Variants in WDR62 observed in about 807,000 individuals in gnomAD.
WDR62 encodes WD repeat-containing protein 62.
A neutral mutation model predicts 160.6 loss-of-function variants in WDR62; 112 were observed. The observed-to-expected ratio is 0.70, with a 90% CI of 0.60 to 0.82. WDR62 has a LOEUF of 0.82. WDR62 is among the 40% of genes least tolerant of loss of function. WDR62 has a pLI of 0.00. For missense variants in WDR62, 1,819 were observed against 1,983.8 expected (o/e 0.92, Z 1.58); for synonymous variants, 792 against 815.1 (o/e 0.97, Z 0.48).
rs546388369 is a variant in WDR62, at chr19:36,079,886, A to C, written c.1234-1547A>C. Reference sequence around the variant, plus strand: ...GTTGTCTGTAGGTTTGGGTTTTGCTATCTGGTTGATGTTTTTCTTATGTCG... The same window carrying C: ...GTTGTCTGTAGGTTTGGGTTTTGCTCTCTGGTTGATGTTTTTCTTATGTCG... On this transcript the variant is annotated intron_variant, in intron 9 of 31. Coordinates refer to ENST00000401500, the MANE Select transcript of WDR62 (RefSeq NM_001083961.2). Among the ~76,000 whole-genome samples the C allele has an allele frequency of 1.8e-4, 27 of 152,206 alleles. 1 individual carries two copies. In the South Asian group the frequency reaches 5.6e-3, roughly 32 times the overall value.
intron 4 of WDR62, 72 bp from the exon 5 acceptor site, chr19:36,066,185 C>G: frequency 6.2e-7 from 1 of 1,607,564 alleles, no homozygotes; most frequent in Non-Finnish European, 8.5e-7. Flanking sequence ...GCAATGCCAT[C>G]TTCGGCCTTG....
chr19:36,067,889 T>G lies in WDR62; in HGVS notation c.761T>G (p.Ile254Ser). The G allele has an allele frequency of 1.9e-6, 3 of 1,614,138 alleles. No individual in the cohort carries two copies. The highest frequency in any genetic ancestry group is 2.5e-6 in the Non-Finnish European group (3 of 1,180,008). Residue 254 changes from isoleucine (I) to serine (S), a missense_variant, in exon 7 of 32, where the codon ATC becomes AGC. This residue lies in a region of WDR62 where 934 missense variants were observed against 1,157.2 expected (regional missense o/e 0.81). Transcript: ENST00000401500. ...SGILGELHNN[I>S]FCGVACGRGR... Reference sequence around the variant, plus strand: ...ATCCTGGGCGAGCTGCACAACAACATCTTCTGTGGTGTGGCCTGCGGTCGG... The same window carrying G: ...ATCCTGGGCGAGCTGCACAACAACAGCTTCTGTGGTGTGGCCTGCGGTCGG...
At chr19:36,098,217 G>C (rs1053733160) in intron 21 of WDR62, among the ~76,000 whole-genome samples, 3 of 151,450 alleles carry the variant, frequency 2.0e-5, no homozygotes, top group African/African-American at 7.3e-5. Flanking sequence ...TGCAGTGATC[G>C]TGCTACTGCA....
At chr19:36,091,895 A>G (rs1972634948) in intron 18 of WDR62, among the ~76,000 whole-genome samples, 1 of 151,934 alleles carries the variant, frequency 6.6e-6, no homozygotes, top group South Asian at 2.1e-4. Flanking sequence ...AAAAAAACAA[A>G]ACACTAAAAA....
At chr19:36,089,654 G>C (rs192546357) in intron 15 of WDR62, among the ~76,000 whole-genome samples, 1 of 152,290 alleles carries the variant, frequency 6.6e-6, no homozygotes, top group Admixed American at 6.5e-5. Context: ...TGTTGGCCAG[G>C]CTGGTCTCGA....
Position 36,102,078 on chromosome 19 carries a change from C to A in WDR62, c.3147C>A (p.Ser1049=). 1 of 1,614,210 alleles carries A rather than the reference C, an allele frequency of 6.2e-7. No individual in the cohort carries two copies. Residue 1049 remains serine, a synonymous_variant, in exon 26 of 32, where the codon TCC becomes TCA. Transcript: ENST00000401500. Reference sequence around the variant, plus strand: ...AGGGACCCAGCGTCCCCAGCAGCTCCCTACCCCAGACTCCGGAGCAGGAGA... The same window carrying A: ...AGGGACCCAGCGTCCCCAGCAGCTCACTACCCCAGACTCCGGAGCAGGAGA... ...LPEGPSVPSS[S]LPQTPEQEKF...
At chr19:36,059,794 A>G (rs1476405756) in intron 2 of WDR62, among the ~76,000 whole-genome samples, 174 bp from the exon 3 acceptor site, 1 of 152,188 alleles carries the variant, frequency 6.6e-6, no homozygotes, top group Non-Finnish European at 1.5e-5. Context: ...AGAACATAGC[A>G]ATGTTAAAGT....
rs115564275 is a variant in WDR62 at position 36,094,615 on chromosome 19, C to T, written c.2467+451C>T. Among the ~76,000 whole-genome samples, 1,066 of 151,236 alleles carry T rather than the reference C, an allele frequency of 7.0e-3. 17 individuals carry two copies. Among genetic ancestry groups the T allele is most frequent in the African/African-American group, 0.025 (1,033 of 41,198 alleles). ...AATAAAATTCAGTAATCAGGCTTAG[C>T]GTGGTGGCTCACACCTGGAATTTTA... On this transcript the variant is annotated intron_variant, in intron 20 of 31. Transcript: ENST00000401500.
intron 8 of WDR62, 143 bp downstream of exon 8, chr19:36,071,859 A>C: frequency 8.3e-7 from 1 of 1,200,114 alleles, no homozygotes; most frequent in African/African-American, 1.5e-5. Flanking sequence ...ATTACAAAGC[A>C]GAAAAGTCCT....
At chr19:36,055,245 C>A in intron 1 of WDR62, 97 bp downstream of exon 1, 1 of 1,386,438 alleles carries the variant, frequency 7.2e-7, no homozygotes, top group Non-Finnish European at 9.9e-7. Flanking sequence ...AGCCCCCGGC[C>A]AGTCCCCTCA....
At chr19:36,089,648 G>A (rs1972469280) in intron 15 of WDR62, among the ~76,000 whole-genome samples, 1 of 152,136 alleles carries the variant, frequency 6.6e-6, no homozygotes, top group Admixed American at 6.5e-5. Context: ...TCGCCATGTT[G>A]GCCAGGCTGG....
chr19:36,078,708 C>T (rs887255936), intron 9 of WDR62, among the ~76,000 whole-genome samples: 37 of 151,332 alleles, frequency 2.4e-4, no homozygotes, highest in Middle Eastern at 3.4e-3. Flanking sequence ...TGGTGGCGGG[C>T]GCCTGTAATC....
intron 15 of WDR62, 65 bp downstream of exon 15, chr19:36,089,371 C>G (rs547026768): frequency 6.2e-7 from 1 of 1,612,958 alleles, no homozygotes; most frequent in African/African-American, 1.3e-5. Context: ...CTGCTTTCCT[C>G]CCTCTGTTCC....
At chr19:36,060,088 C>A in intron 3 of WDR62, 58 bp downstream of exon 3, 2 of 1,530,368 alleles carry the variant, frequency 1.3e-6, no homozygotes, top group Non-Finnish European at 1.8e-6. Flanking sequence ...CACGCCTCCC[C>A]TCCCCTACAC....
At chr19:36,105,213 G>C (rs982843681), downstream of WDR62, 3 of 748,584 alleles carry the variant, frequency 4.0e-6, no homozygotes, top group African/African-American at 3.5e-5. Context: ...TGTCAGTGGA[G>C]AGCATGGGAC....
chr19:36,067,020 G>A (rs1226786693), intron 5 of WDR62, among the ~76,000 whole-genome samples: 1 of 152,196 alleles, frequency 6.6e-6, no homozygotes. Flanking sequence ...CATCCCAGCC[G>A]TGACTGTCCC....
At chr19:36,098,995 G>A (rs914502438) in intron 21 of WDR62, among the ~76,000 whole-genome samples, 1 of 152,116 alleles carries the variant, frequency 6.6e-6, no homozygotes, top group Admixed American at 6.5e-5. Context: ...GCCGAGGCGG[G>A]CGGATCACTT....
At chr19:36,100,368 CGT>C (rs781309098) in intron 22 of WDR62, among the ~76,000 whole-genome samples, 26 of 152,330 alleles carry the variant, frequency 1.7e-4, no homozygotes, top group Non-Finnish European at 1.9e-4. Flanking sequence ...GTGTAATTCA[CGT>C]GTGTCCACTA....
chr19:36,104,128 C>CAA, intron 30 of WDR62, 147 bp downstream of exon 30: 1 of 1,126,410 alleles, frequency 8.9e-7, no homozygotes, highest in Non-Finnish European at 1.3e-6. Context: ...ATGAGCATTA[C>CAA]ATGTTGGGCT....
Sources: gnomAD v4.1 joint callset for allele counts (sites outside exome capture counted in the v4.1 genomes callset) on GRCh38, gnomAD v4.1.1 for gene constraint, gnomAD v4.1.1 regional missense constraint, MANE v1.5 for transcripts, NCBI Gene and HGNC (gene_info 2026-07-23, HGNC 2026-07-21) for gene names.